ATP9A: variants seen among roughly 807,000 people sequenced by gnomAD.
The protein encoded by ATP9A is ATPase phospholipid transporting 9A, also known as probable phospholipid-transporting ATPase IIA.
Under a neutral mutation model 144.1 loss-of-function variants are expected in ATP9A, and 52 were observed. The observed-to-expected ratio is 0.36, with a 90% confidence interval of 0.29 to 0.45. ATP9A has a LOEUF of 0.45. Among genes scored for constraint, ATP9A ranks in the 20% least tolerant of loss-of-function variants. The pLI is 1.00. For synonymous variants in ATP9A, 582 were observed against 557.4 expected, an observed-to-expected ratio of 1.04 and a Z score of -0.62; for missense variants, 947 against 1,392.7, an observed-to-expected ratio of 0.68 and a Z score of 5.09.
Position 51,596,682 on chromosome 20 carries a change from T to G in ATP9A, c.*4529A>C, listed in dbSNP as rs1442681739. 6.6e-6 allele frequency: 1 copy of G among 152,002 alleles called. No individual in the cohort carries two copies. The highest frequency in any genetic ancestry group is 1.5e-5 in the Non-Finnish European group (1 of 68,002). 9.4% of individuals were successfully genotyped at this position (152,002 alleles called of 1,614,324 possible). On this transcript the variant is annotated 3_prime_UTR_variant, in exon 28 of 28. Coordinates refer to ENST00000338821, the MANE Select transcript of ATP9A (RefSeq NM_006045.3). ...AGTTTTCTTTACATTTCATGTACCA[T>G]GAAATAAAGAAAAAATAGGAGCGTT...
chr20:51,716,902 C>T (rs1332936970), intron 3 of ATP9A, among the ~76,000 whole-genome samples: 2 of 151,954 alleles, frequency 1.3e-5, no homozygotes, highest in African/African-American at 2.4e-5. Context: ...AGTCAGCTGT[C>T]GTGGCTCACA....
At chr20:51,740,764 A>G (rs2077781548) in intron 1 of ATP9A, among the ~76,000 whole-genome samples, 1 of 151,208 alleles carries the variant, frequency 6.6e-6, no homozygotes. Context: ...TTTAGTAAAG[A>G]CAGTCTCACT....
intron 26 of ATP9A, among the ~76,000 whole-genome samples, chr20:51,606,357 T>A (rs2077163543): frequency 2.0e-5 from 3 of 152,206 alleles, no homozygotes; most frequent in African/African-American, 7.2e-5. Context: ...ATTTCACATG[T>A]ATATTATATG....
chr20:51,684,195 A>G (rs1355875856), intron 9 of ATP9A, among the ~76,000 whole-genome samples: 1 of 152,190 alleles, frequency 6.6e-6, no homozygotes, highest in East Asian at 1.9e-4. Flanking sequence ...GAAATGAAAA[A>G]AGATCAACAG....
intron 4 of ATP9A, among the ~76,000 whole-genome samples, chr20:51,702,353 GGTGTGTGTGTTCGT>G (rs2077597266): frequency 1.5e-5 from 2 of 132,528 alleles, no homozygotes; most frequent in African/African-American, 3.0e-5. Context: ...CATGCTTCAT[GGTGTGTGTGTTCGT>G]GTGTGTGTGT....
chr20:51,726,583 T>A (rs1354522148), intron 2 of ATP9A, among the ~76,000 whole-genome samples: 2 of 152,074 alleles, frequency 1.3e-5, no homozygotes, highest in East Asian at 3.9e-4. Context: ...TTTTGGGGTT[T>A]GGTTTTGTTT....
At chr20:51,668,548 G>A (rs6123065) in intron 13 of ATP9A, among the ~76,000 whole-genome samples, 70,376 of 151,870 alleles carry the variant, frequency 0.46, 17,813 homozygotes, top group East Asian at 0.78. Context: ...GAGCCCCAGA[G>A]ACACCAACCC....
intron 27 of ATP9A, among the ~76,000 whole-genome samples, chr20:51,602,215 GT>G (rs2077146183): frequency 6.6e-6 from 1 of 152,116 alleles, no homozygotes; most frequent in Non-Finnish European, 1.5e-5. Flanking sequence ...TATAAACCCG[GT>G]TATGAGGTTT....
At chr20:51,760,155 C>T (rs777330983) in intron 1 of ATP9A, among the ~76,000 whole-genome samples, 1 of 152,148 alleles carries the variant, frequency 6.6e-6, no homozygotes, top group Non-Finnish European at 1.5e-5. Context: ...CACAGGAAGG[C>T]TGGGATGTGC....
rs779904457 is a variant in ATP9A at position 51,627,585 on chromosome 20, C to T, written c.1845+15G>A. ...GGGGCTGCAAAGGCAATGGAAAGGT[C>T]CCAGAACAACTTACTTCAAAGTCCT... On this transcript the variant is annotated intron_variant, in intron 17 of 27. Transcript: ENST00000338821. The T allele has an allele frequency of 1.1e-5, 18 of 1,612,884 alleles. No individual in the cohort carries two copies. Among genetic ancestry groups the T allele is most frequent in the Non-Finnish European group, 1.4e-5 (17 of 1,178,886 alleles).
intron 2 of ATP9A, among the ~76,000 whole-genome samples, chr20:51,728,810 G>A (rs1263174407): frequency 1.3e-5 from 2 of 152,056 alleles, no homozygotes; most frequent in African/African-American, 4.8e-5. Flanking sequence ...CTATATAATA[G>A]ATTTGTGCCT....
At chr20:51,665,289 G>T (rs898060700) in intron 13 of ATP9A, among the ~76,000 whole-genome samples, 1 of 152,092 alleles carries the variant, frequency 6.6e-6, no homozygotes, top group Non-Finnish European at 1.5e-5. Flanking sequence ...TTCTTTTTAG[G>T]GTTGATAAAA....
intron 1 of ATP9A, among the ~76,000 whole-genome samples, chr20:51,761,052 T>C (rs2077878205): frequency 6.6e-6 from 1 of 152,100 alleles, no homozygotes; most frequent in African/African-American, 2.4e-5. Flanking sequence ...ATGTAAGTCC[T>C]GAGAGTAATG....
At chr20:51,627,450 A>G in intron 17 of ATP9A, 150 bp downstream of exon 17, 1 of 718,144 alleles carries the variant, frequency 1.4e-6, no homozygotes, top group Non-Finnish European at 2.4e-6. Flanking sequence ...GGCAGACAGA[A>G]CGGCAAGTGC....
intron 24 of ATP9A, among the ~76,000 whole-genome samples, chr20:51,609,104 T>G (rs1208774392): frequency 6.6e-6 from 1 of 151,974 alleles, no homozygotes; most frequent in Non-Finnish European, 1.5e-5. Flanking sequence ...CGGGAGTGGC[T>G]GTCATGTCTG....
intron 1 of ATP9A, among the ~76,000 whole-genome samples, chr20:51,764,516 C>T (rs2077895318): frequency 6.6e-6 from 1 of 152,164 alleles, no homozygotes; most frequent in Non-Finnish European, 1.5e-5. Flanking sequence ...CTGAGTGACC[C>T]CAGAAATAAC....
At chr20:51,618,344 C>A (rs2077211914) in intron 21 of ATP9A, among the ~76,000 whole-genome samples, 1 of 152,074 alleles carries the variant, frequency 6.6e-6, no homozygotes, top group Non-Finnish European at 1.5e-5. Flanking sequence ...ACCTGGGGCA[C>A]CCACTGGCAA....
intron 1 of ATP9A, among the ~76,000 whole-genome samples, chr20:51,756,014 T>G (rs1195901089): frequency 6.6e-6 from 1 of 152,162 alleles, no homozygotes; most frequent in Non-Finnish European, 1.5e-5. Flanking sequence ...AAATAAAAGC[T>G]TAATAACACT....
At chr20:51,651,311 TA>T (rs2077364876) in intron 14 of ATP9A, among the ~76,000 whole-genome samples, 1 of 130,698 alleles carries the variant, frequency 7.7e-6, no homozygotes, top group Non-Finnish European at 1.6e-5. Context: ...ATTTACATAA[TA>T]TATTATATAA....
Sources: allele counts gnomAD v4.1 joint callset (sites outside exome capture counted in the v4.1 genomes callset), GRCh38; gene constraint gnomAD v4.1.1; transcripts MANE v1.5; gene names NCBI Gene and HGNC (gene_info 2026-07-23, HGNC 2026-07-21).